STX8: variants seen among roughly 807,000 people sequenced by gnomAD.
The protein encoded by STX8 is syntaxin-8.
A neutral mutation model predicts 37.5 loss-of-function variants in STX8; 23 were observed. That is an observed-to-expected ratio of 0.61 (90% CI 0.44 to 0.87). The LOEUF (loss-of-function observed/expected upper bound fraction) is 0.87. Ranked by LOEUF, STX8 falls within the 40% of genes least tolerant of loss-of-function variation. The pLI, the probability that STX8 is intolerant of heterozygous loss-of-function variation, is 0.00. For synonymous variants in STX8, 115 were observed against 99.1 expected (o/e 1.16, Z -0.95); for missense variants, 313 against 284.7 (o/e 1.10, Z -0.71).
At chr17:9,404,339 TCTTTG>T (rs1417169939) in intron 6 of STX8, among the ~76,000 whole-genome samples, 2 of 152,116 alleles carry the variant, frequency 1.3e-5, no homozygotes, top group African/African-American at 4.8e-5. Flanking sequence ...TTGCCTGACT[TCTTTG>T]CTTTTTCATT....
chr17:9,460,598 G>A (rs1265836002), intron 6 of STX8, among the ~76,000 whole-genome samples: 2 of 151,048 alleles, frequency 1.3e-5, no homozygotes, highest in Non-Finnish European at 2.9e-5. Context: ...GCTTGAACCC[G>A]GGAGGTGGAG....
chr17:9,457,663 G>A lies in STX8; in HGVS notation c.541+34166C>T, dbSNP rs1016355277. ...CTCTGTGCTCTTCCAGCCTCAATGAGGGCTTTGCCCTCAGGCTGGCTGTTC... is the reference window on the plus strand; with the variant it reads ...CTCTGTGCTCTTCCAGCCTCAATGAAGGCTTTGCCCTCAGGCTGGCTGTTC... On this transcript the variant is annotated intron_variant, in intron 6 of 7. Transcript: ENST00000306357. Among the ~76,000 whole-genome samples, 4 of 152,252 alleles carry A rather than the reference G, an allele frequency of 2.6e-5. No homozygotes were observed. In the East Asian group the frequency reaches 7.7e-4, roughly 29 times the overall value.
At chr17:9,559,734 T>TTATATATATATATATATATA (rs1009971082) in intron 2 of STX8, among the ~76,000 whole-genome samples, 2 of 48,750 alleles carry the variant, frequency 4.1e-5, no homozygotes, top group African/African-American at 1.4e-4. Flanking sequence ...TATTATTATT[T>TTATATATATATATATATATA]TATATATATA....
intron 7 of STX8, chr17:9,305,738 CTT>C (rs751052478): frequency 1.5e-4 from 13 of 84,356 alleles, no homozygotes; most frequent in East Asian, 3.6e-4. Flanking sequence ...ACAGGTGCAT[CTT>C]TTTTTTTTTT....
At chr17:9,351,176 C>CTTTTTTTT (rs71135970) in intron 7 of STX8, among the ~76,000 whole-genome samples, 8 of 99,814 alleles carry the variant, frequency 8.0e-5, no homozygotes, top group Admixed American at 1.2e-4. Flanking sequence ...ATTTCCTTGT[C>CTTTTTTTT]TTTTTTTTTT....
chr17:9,433,154 T>G (rs749023609), intron 6 of STX8, among the ~76,000 whole-genome samples: 1 of 152,214 alleles, frequency 6.6e-6, no homozygotes, highest in African/African-American at 2.4e-5. Context: ...ATCGTCATAA[T>G]GCACTCCTAA....
chr17:9,540,263 C>T (rs1347386989), intron 4 of STX8, among the ~76,000 whole-genome samples: 1 of 152,198 alleles, frequency 6.6e-6, no homozygotes, highest in Non-Finnish European at 1.5e-5. Context: ...TCTTCCCTGA[C>T]TAGTTGGAGC....
At chr17:9,399,159 G>A (rs191065501) in intron 6 of STX8, among the ~76,000 whole-genome samples, 7 of 151,912 alleles carry the variant, frequency 4.6e-5, no homozygotes, top group Admixed American at 2.0e-4. Context: ...CAGGCATGTC[G>A]CCAACTGATT....
chr17:9,357,718 A>G (rs1231523519), intron 7 of STX8, among the ~76,000 whole-genome samples: 2 of 152,092 alleles, frequency 1.3e-5, no homozygotes, highest in African/African-American at 4.8e-5. Context: ...AAAATAAAAT[A>G]TAAAAAATTA....
At chr17:9,546,797 C>A (rs1027471784) in intron 3 of STX8, among the ~76,000 whole-genome samples, 3 of 150,782 alleles carry the variant, frequency 2.0e-5, no homozygotes, top group African/African-American at 7.3e-5. Flanking sequence ...CAGGTTTTCA[C>A]CATGTTGGCC....
chr17:9,362,844 T>TAAAAA (rs1369622648), intron 7 of STX8, among the ~76,000 whole-genome samples: 15 of 137,540 alleles, frequency 1.1e-4, no homozygotes, highest in African/African-American at 4.0e-4. Context: ...AAAAAAAAAA[T>TAAAAA]AAATAAATAA....
chr17:9,344,697 A>AC (rs1910477229), intron 7 of STX8, among the ~76,000 whole-genome samples: 2 of 150,726 alleles, frequency 1.3e-5, no homozygotes, highest in Admixed American at 1.3e-4. Context: ...CCCCACCCAC[A>AC]CCCCCAACTC....
chr17:9,422,436 T>C (rs1487009121), intron 6 of STX8, among the ~76,000 whole-genome samples: 1 of 152,214 alleles, frequency 6.6e-6, no homozygotes, highest in Admixed American at 6.5e-5. Flanking sequence ...CTTTACAGCA[T>C]GTGAGAACGG....
intron 6 of STX8, among the ~76,000 whole-genome samples, chr17:9,463,710 C>A (rs1358410209): frequency 6.6e-6 from 1 of 152,104 alleles, no homozygotes; most frequent in South Asian, 2.1e-4. Context: ...GAGTTTGAGA[C>A]CAGCCTGACC....
chr17:9,399,922 A>G (rs542777461), intron 6 of STX8, among the ~76,000 whole-genome samples: 13 of 151,674 alleles, frequency 8.6e-5, no homozygotes, highest in East Asian at 1.9e-4. Flanking sequence ...AGTTTACTCC[A>G]TAAGTGTCTT....
chr17:9,257,875 G>T (rs61573160), intron 7 of STX8, among the ~76,000 whole-genome samples: 27,973 of 152,206 alleles, frequency 0.18, 3,102 homozygotes, highest in Middle Eastern at 0.27. Flanking sequence ...TGTAATCCCA[G>T]CTACTTGGGA....
At chr17:9,341,804 G>A (rs1280729998) in intron 7 of STX8, among the ~76,000 whole-genome samples, 2 of 152,232 alleles carry the variant, frequency 1.3e-5, no homozygotes, top group Admixed American at 1.3e-4. Context: ...AGCCCACTGT[G>A]TGAGCAAATG....
chr17:9,264,626 A>G (rs1157360646), intron 7 of STX8, among the ~76,000 whole-genome samples: 1 of 152,172 alleles, frequency 6.6e-6, no homozygotes, highest in Non-Finnish European at 1.5e-5. Context: ...ACACAGCAAT[A>G]GATAACCAGA....
At chr17:9,252,290 A>T (rs1288996491) in intron 7 of STX8, among the ~76,000 whole-genome samples, 1 of 152,206 alleles carries the variant, frequency 6.6e-6, no homozygotes, top group East Asian at 1.9e-4. Context: ...TAAAAGTACA[A>T]AAAATTAGCC....
Sources: allele counts gnomAD v4.1 joint callset (sites outside exome capture counted in the v4.1 genomes callset), GRCh38; gene constraint gnomAD v4.1.1; transcripts MANE v1.5; gene names NCBI Gene and HGNC (gene_info 2026-07-23, HGNC 2026-07-21).